The following PDE1C variants were observed in gnomAD, a reference collection of about 807,000 sequenced individuals.
PDE1C encodes phosphodiesterase 1C, also known as dual specificity calcium/calmodulin-dependent 3',5'-cyclic nucleotide phosphodiesterase 1C.
In PDE1C, 62 loss-of-function variants were observed where a neutral mutation model predicts 93.1. The ratio of observed to expected loss-of-function variants is 0.67; its 90% CI spans 0.54 to 0.82. The LOEUF is 0.82. Ranked by LOEUF, PDE1C falls within the 40% of genes least tolerant of loss-of-function variation. The pLI is 0.00. For missense variants in PDE1C, 742 were observed against 884.6 expected, an observed-to-expected ratio of 0.84 and a Z score of 2.04; for synonymous variants, 325 against 310.1, an observed-to-expected ratio of 1.05 and a Z score of -0.50.
intron 2 of PDE1C, among the ~76,000 whole-genome samples, chr7:31,926,787 G>T: frequency 6.6e-6 from 1 of 151,934 alleles, no homozygotes; most frequent in Non-Finnish European, 1.5e-5. Context: ...CATGGCTTTT[G>T]CAACGGCAGA....
intron 2 of PDE1C, among the ~76,000 whole-genome samples, chr7:32,024,945 G>A (rs1452824069): frequency 6.6e-6 from 1 of 152,112 alleles, no homozygotes; most frequent in Non-Finnish European, 1.5e-5. Flanking sequence ...CACTGGAAAA[G>A]TGATGTCTTC....
intron 3 of PDE1C, among the ~76,000 whole-genome samples, chr7:32,128,787 A>C (rs924512012): frequency 2.0e-5 from 3 of 151,036 alleles, no homozygotes; most frequent in African/African-American, 7.3e-5. Context: ...TTATCCATCT[A>C]GGAATTTATT....
chr7:32,416,239 C>T (rs1785274401), intron 1 of PDE1C, among the ~76,000 whole-genome samples: 1 of 152,242 alleles, frequency 6.6e-6, no homozygotes, highest in Non-Finnish European at 1.5e-5. Context: ...CAGAACCTCC[C>T]CTTTCTGATT....
intron 2 of PDE1C, among the ~76,000 whole-genome samples, chr7:32,204,237 CTCAAA>C (rs1176077823): frequency 2.6e-5 from 4 of 152,216 alleles, no homozygotes. Context: ...CAGAGCAGCA[CTCAAA>C]TCAAAACTTG....
intron 12 of PDE1C, among the ~76,000 whole-genome samples, chr7:31,826,554 C>G (rs1789689839): frequency 6.6e-6 from 1 of 152,108 alleles, no homozygotes. Flanking sequence ...TCATAAGCTT[C>G]CCCACAACCT....
At chr7:32,361,855 G>A (rs1190802123) in intron 1 of PDE1C, among the ~76,000 whole-genome samples, 1 of 152,116 alleles carries the variant, frequency 6.6e-6, no homozygotes, top group African/African-American at 2.4e-5. Flanking sequence ...AATATTCACT[G>A]GATAAAAAAG....
chr7:31,653,302 T>C, the PDE1C span: 93 of 159,068 alleles, frequency 5.8e-4, no homozygotes, highest in Admixed American at 4.3e-3. Context: ...AGGCAAACAG[T>C]TGCATTTTTT....
chr7:31,728,608 C>T, the PDE1C span, among the ~76,000 whole-genome samples: 5 of 152,000 alleles, frequency 3.3e-5, no homozygotes, highest in Admixed American at 6.6e-5. Flanking sequence ...GATTGTTTTC[C>T]GAGTACTGAG....
intron 1 of PDE1C, among the ~76,000 whole-genome samples, chr7:32,410,869 C>T (rs1244304121): frequency 6.6e-6 from 1 of 152,176 alleles, no homozygotes; most frequent in East Asian, 1.9e-4. Context: ...TCCACCTTTG[C>T]TAGTCTCTGG....
At chr7:32,067,513 G>A (rs1795546325) in intron 1 of PDE1C, among the ~76,000 whole-genome samples, 1 of 152,198 alleles carries the variant, frequency 6.6e-6, no homozygotes, top group Admixed American at 6.5e-5. Context: ...ATACTTGGCT[G>A]TTGATTATTT....
chr7:32,236,352 A>G (rs1808076817), intron 1 of PDE1C, among the ~76,000 whole-genome samples: 1 of 152,186 alleles, frequency 6.6e-6, no homozygotes, highest in South Asian at 2.1e-4. Context: ...ATAAACTGTT[A>G]ACAGGATGAA....
chr7:32,288,877 A>G (rs1466059207), intron 1 of PDE1C, among the ~76,000 whole-genome samples: 4 of 152,170 alleles, frequency 2.6e-5, no homozygotes, highest in South Asian at 4.1e-4. Flanking sequence ...AAAGGGCTGG[A>G]GGGTTCCCCT....
At chr7:31,880,923 A>G in intron 2 of PDE1C, 63 bp from the exon 3 acceptor site, 1 of 983,726 alleles carries the variant, frequency 1.0e-6, no homozygotes, top group South Asian at 1.3e-5. Flanking sequence ...TCCTACAACT[A>G]TGGTGATACA....
chr7:31,684,060 A>G, the PDE1C span, among the ~76,000 whole-genome samples: 1 of 152,126 alleles, frequency 6.6e-6, no homozygotes, highest in Non-Finnish European at 1.5e-5. Flanking sequence ...TGTGGTTGTT[A>G]TTTAGAACTC....
the PDE1C span, among the ~76,000 whole-genome samples, chr7:31,676,326 A>T: frequency 3.3e-5 from 5 of 151,944 alleles, no homozygotes; most frequent in African/African-American, 1.2e-4. Context: ...CCATAAAGAA[A>T]ATCTCAATAG....
At chr7:32,187,330 T>C (rs184247713) in intron 2 of PDE1C, among the ~76,000 whole-genome samples, 7 of 152,184 alleles carry the variant, frequency 4.6e-5, no homozygotes, top group African/African-American at 1.2e-4. Flanking sequence ...TATATTCTTA[T>C]ATTATGTTTC....
chr7:32,296,951 C>G (rs572950106), intron 1 of PDE1C, among the ~76,000 whole-genome samples: 1 of 152,262 alleles, frequency 6.6e-6, no homozygotes, highest in East Asian at 1.9e-4. Context: ...ATAACTGATT[C>G]AAGGCAGGGT....
intron 1 of PDE1C, among the ~76,000 whole-genome samples, chr7:32,412,117 T>G (rs1785182287): frequency 6.6e-6 from 1 of 152,100 alleles, no homozygotes; most frequent in Non-Finnish European, 1.5e-5. Flanking sequence ...GTAACTTTAT[T>G]TTTAATAAGT....
chr7:31,896,545 G>A (rs1300303581), intron 2 of PDE1C, among the ~76,000 whole-genome samples: 1 of 152,130 alleles, frequency 6.6e-6, no homozygotes, highest in Non-Finnish European at 1.5e-5. Flanking sequence ...CTCCGTAGCA[G>A]CCAGTCAGCA....
Sources: gnomAD v4.1 joint callset for allele counts (sites outside exome capture counted in the v4.1 genomes callset) on GRCh38, gnomAD v4.1.1 for gene constraint, MANE v1.5 for transcripts, NCBI Gene and HGNC (gene_info 2026-07-23, HGNC 2026-07-21) for gene names.